The following LRIG3 variants were observed in gnomAD, a reference collection of about 807,000 sequenced individuals.
LRIG3 encodes leucine rich repeats and immunoglobulin like domains 3.
In LRIG3, 76 loss-of-function variants were observed where a neutral mutation model predicts 114.5. The observed-to-expected ratio is 0.66, with a 90% confidence interval of 0.55 to 0.80. The LOEUF is 0.80. LRIG3 is among the 30% of genes least tolerant of loss of function. The pLI is 0.00. For synonymous variants in LRIG3, 512 were observed against 519.8 expected (o/e 0.98, Z 0.20); for missense variants, 1,239 against 1,382.8 (o/e 0.90, Z 1.65).
intron 3 of LRIG3, among the ~76,000 whole-genome samples, chr12:58,901,378 T>G (rs533392613): frequency 1.3e-5 from 2 of 152,322 alleles, no homozygotes; most frequent in African/African-American, 4.8e-5. Context: ...GGCCATTGTG[T>G]TTATACTGCC....
chr12:58,888,676 G>A lies in LRIG3; in HGVS notation c.803+143C>T, dbSNP rs532957236. 757 of 1,311,046 alleles carry A rather than the reference G, an allele frequency of 5.8e-4. 1 individual carries two copies. The highest frequency in any genetic ancestry group is 8.8e-4 in the Admixed American group (37 of 42,122). The allele number at this position is 1,311,046 out of a possible 1,614,324, so 81.2% of individuals were successfully genotyped here. Reference sequence around the variant, plus strand: ...TTATAAATTATCGATCACATTACCTGAATCAAAACTGAATACTGACTTATA... The same window carrying A: ...TTATAAATTATCGATCACATTACCTAAATCAAAACTGAATACTGACTTATA... On this transcript the variant is annotated intron_variant, in intron 6 of 18. Transcript: ENST00000320743.
At chr12:58,890,637 AGTTTT>A in intron 4 of LRIG3, 23 bp downstream of exon 4, 2 of 1,545,600 alleles carry the variant, frequency 1.3e-6, no homozygotes, top group Non-Finnish European at 1.7e-6. Context: ...TACAGGTGAA[AGTTTT>A]TGCTAAAGAA....
chr12:58,882,775 AG>A lies in LRIG3; in HGVS notation c.1480+93del. On this transcript the variant is annotated intron_variant, in intron 12 of 18. Coordinates refer to ENST00000320743, the MANE Select transcript of LRIG3 (RefSeq NM_153377.5). The stretch of plus-strand genomic sequence containing the variant: ...CTCAGCAGAAATAAAAGCTTTATAA[AG>A]AGATCATAAATCTATTCAAAACCAT... 4 of 1,336,734 alleles carry A rather than the reference AG, an allele frequency of 3.0e-6. No homozygotes were observed. In the South Asian group the frequency reaches 6.5e-5, roughly 22 times the overall value. The allele number at this position is 1,336,734 out of a possible 1,614,324, so 82.8% of individuals were successfully genotyped here.
Position 58,880,687 on chromosome 12 carries a change from G to C in LRIG3, c.1695C>G (p.Ile565Met). The change falls in exon 13 of 19, where the codon ATC becomes ATG. Residue 565 changes from isoleucine to methionine, a missense_variant. Coordinates refer to ENST00000320743, the MANE Select transcript of LRIG3 (RefSeq NM_153377.5). Reference sequence around the variant, plus strand: ...CAAATTCCACCTCGCGCAGCCGAAGGATGGTGGTATACTCCATCACCTCGC... The same window carrying C: ...CAAATTCCACCTCGCGCAGCCGAAGCATGGTGGTATACTCCATCACCTCGC... ...QGGEVMEYTT[I>M]LRLREVEFAS... The C allele has an allele frequency of 6.2e-7, 1 of 1,614,216 alleles. No homozygotes were observed. The highest frequency in any genetic ancestry group is 1.1e-5 in the South Asian group (1 of 91,088).
chr12:58,892,121 T>C (rs1185080032), intron 3 of LRIG3, among the ~76,000 whole-genome samples: 1 of 152,104 alleles, frequency 6.6e-6, no homozygotes, highest in Non-Finnish European at 1.5e-5. Context: ...AAATGCAGCA[T>C]TAAATGACAA....
intron 1 of LRIG3, chr12:58,919,281 A>G (rs1052198536): frequency 1.7e-5 from 18 of 1,039,124 alleles, no homozygotes; most frequent in Admixed American, 6.6e-5. Flanking sequence ...AAAAACTTGC[A>G]TAAGAGCTCC....
intron 3 of LRIG3, chr12:58,913,353 C>T (rs906200002): frequency 2.0e-5 from 3 of 152,182 alleles, no homozygotes; most frequent in African/African-American, 4.8e-5. Context: ...CCAAAACCTA[C>T]GTCAGTGCAT....
chr12:58,885,099 T>G (rs560411222), intron 10 of LRIG3, among the ~76,000 whole-genome samples: 33 of 152,086 alleles, frequency 2.2e-4, no homozygotes, highest in Non-Finnish European at 4.3e-4. Context: ...GCGGCAGAGA[T>G]TGTACAGGCA....
In LRIG3 at chr12:58,890,025, C is replaced by T. The variant is rs1318601937; in HGVS notation, c.630G>A (p.Lys210=). The part of the protein sequence containing the change: ...NRNRISAIPP[K]MFKLPQLQHL... The stretch of plus-strand genomic sequence containing the variant: ...GTTGCAGTTGGGGCAGTTTAAACAT[C>T]TTGGGTGGGATAGCTGAGATTCGGT... Residue 210 remains lysine (K), a synonymous_variant, in exon 5 of 19, where the codon AAG becomes AAA. Transcript: ENST00000320743. The T allele has an allele frequency of 6.2e-7, 1 of 1,613,766 alleles. No individual in the cohort carries two copies.
chr12:58,889,935 G>A, intron 5 of LRIG3, 61 bp downstream of exon 5: 1 of 1,563,928 alleles, frequency 6.4e-7, no homozygotes. Context: ...AGATTTTAAG[G>A]AAAAGACACC....
chr12:58,912,053 G>T (rs1471604419), intron 3 of LRIG3, among the ~76,000 whole-genome samples: 7 of 152,134 alleles, frequency 4.6e-5, no homozygotes, highest in Admixed American at 4.6e-4. Flanking sequence ...GAAAGAAAGT[G>T]AAATTATTCA....
intron 8 of LRIG3, 91 bp from the exon 9 acceptor site, chr12:58,886,981 T>C (rs991866848): frequency 3.3e-6 from 3 of 902,492 alleles, no homozygotes; most frequent in Middle Eastern, 2.3e-4. Context: ...AAAAAATTTC[T>C]CATAATTCCC....
chr12:58,886,919 A>T, intron 8 of LRIG3, 29 bp from the exon 9 acceptor site: 1 of 1,586,100 alleles, frequency 6.3e-7, no homozygotes, highest in East Asian at 2.2e-5. Flanking sequence ...TTCCCTTTAG[A>T]GTGATAAGCT....
At chr12:58,879,875 A>T (rs1017481705) in intron 13 of LRIG3, among the ~76,000 whole-genome samples, 14 of 152,220 alleles carry the variant, frequency 9.2e-5, no homozygotes, top group African/African-American at 3.4e-4. Flanking sequence ...GAAGTGAAGC[A>T]ACCTGCTGAA....
At chr12:58,895,601 A>G (rs1329336692) in intron 3 of LRIG3, among the ~76,000 whole-genome samples, 1 of 152,132 alleles carries the variant, frequency 6.6e-6, no homozygotes, top group Non-Finnish European at 1.5e-5. Flanking sequence ...GGGCCCTGGA[A>G]ACCACATCAG....
intron 3 of LRIG3, among the ~76,000 whole-genome samples, chr12:58,909,548 T>C (rs570944796): frequency 2.0e-5 from 3 of 152,328 alleles, no homozygotes; most frequent in African/African-American, 7.2e-5. Flanking sequence ...TGGTACATAG[T>C]AGATACTCAA....
At chr12:58,881,629 A>G (rs1029819837) in intron 12 of LRIG3, among the ~76,000 whole-genome samples, 1 of 152,186 alleles carries the variant, frequency 6.6e-6, no homozygotes, top group African/African-American at 2.4e-5. Flanking sequence ...TACCTTTTTG[A>G]ACTTCAGTTT....
At chr12:58,883,676 C>T (rs919924014) in intron 10 of LRIG3, 85 bp from the exon 11 acceptor site, 8 of 901,374 alleles carry the variant, frequency 8.9e-6, no homozygotes, top group Non-Finnish European at 1.2e-5. Context: ...CACTGCCCAC[C>T]CCATTTGCCA....
At chr12:58,910,561 T>C (rs1294787735) in intron 3 of LRIG3, among the ~76,000 whole-genome samples, 2 of 152,158 alleles carry the variant, frequency 1.3e-5, no homozygotes, top group Admixed American at 1.3e-4. Context: ...TGAGCTGAGA[T>C]TGAGCCACTG....
Sources: gnomAD v4.1 joint callset for allele counts (sites outside exome capture counted in the v4.1 genomes callset) on GRCh38, gnomAD v4.1.1 for gene constraint, MANE v1.5 for transcripts, NCBI Gene and HGNC (gene_info 2026-07-23, HGNC 2026-07-21) for gene names.